Variants in KDM6B observed in about 807,000 individuals in gnomAD.
KDM6B encodes lysine-specific demethylase 6B.
In KDM6B, 22 loss-of-function variants were observed where a neutral mutation model predicts 150.4. The ratio of observed to expected loss-of-function variants is 0.15; its 90% CI spans 0.10 to 0.21. KDM6B has a LOEUF of 0.21. KDM6B is among the 10% of genes least tolerant of loss of function. The pLI, the probability that KDM6B is intolerant of heterozygous loss-of-function variation, is 1.00. For synonymous variants in KDM6B, 1,148 were observed against 921.1 expected, an observed-to-expected ratio of 1.25 and a Z score of -4.46; for missense variants, 1,984 against 2,234.3, an observed-to-expected ratio of 0.89 and a Z score of 2.26.
chr17:7,845,290 C>G (rs911164399), intron 3 of KDM6B, 24 bp from the exon 4 acceptor site: 5 of 591,348 alleles, frequency 8.5e-6, no homozygotes, highest in Non-Finnish European at 1.2e-5. Flanking sequence ...GCCAGCTCGT[C>G]TCACTCCTTT....
At position 7,843,278 on chromosome 17, in the gene KDM6B, C is replaced by T. The variant is rs1389039341; in HGVS notation, c.-268-1623C>T. Among the ~76,000 whole-genome samples, 3 of 152,150 alleles carry T rather than the reference C, an allele frequency of 2.0e-5. No individual in the cohort carries two copies. The highest frequency in any genetic ancestry group is 2.4e-5 in the African/African-American group (1 of 41,442). ...TCCTCCCCGCCCCTGCCTCGGTACTCGGGTGGGGGCAGTCACGGAGGGCCA... is the reference window on the plus strand; with the variant it reads ...TCCTCCCCGCCCCTGCCTCGGTACTTGGGTGGGGGCAGTCACGGAGGGCCA... On this transcript the variant is annotated intron_variant, in intron 2 of 23. Transcript: ENST00000448097. This position sits in a 1 kb window ranked among gnomAD's most constrained non-coding sequence, Gnocchi z 4.5.
chr17:7,854,279 G>C lies in KDM6B; in HGVS notation c.*758G>C, dbSNP rs986217270. ...CCGGGTTCTCATGGTGCTCAAACCC[G>C]CTCCCCTCCCCTACGTCCTGCACTT... On this transcript the variant is annotated 3_prime_UTR_variant, in exon 24 of 24. Coordinates refer to ENST00000448097, the MANE Select transcript of KDM6B (RefSeq NM_001348716.2). 6.6e-6 allele frequency: 1 copy of C among 152,402 alleles called. No individual in the cohort carries two copies. The highest frequency in any genetic ancestry group is 1.5e-5 in the Non-Finnish European group (1 of 68,070). 9.4% of individuals were successfully genotyped at this position (152,402 alleles called of 1,614,324 possible).
chr17:7,852,785 T>C, intron 21 of KDM6B, 149 bp downstream of exon 21: 1 of 1,314,214 alleles, frequency 7.6e-7, no homozygotes, highest in Non-Finnish European at 1.1e-6. Flanking sequence ...AACTAGGTCC[T>C]TGCTGTCATG....
intron 2 of KDM6B, among the ~76,000 whole-genome samples, chr17:7,842,962 AG>A (rs1198182166): frequency 6.6e-6 from 1 of 152,100 alleles, no homozygotes; most frequent in East Asian, 1.9e-4. Context: ...TTTAGTGTAC[AG>A]GAAGTTTTGT....
Position 7,848,563 on chromosome 17 carries a change from A to G in KDM6B, c.2275A>G (p.Thr759Ala), listed in dbSNP as rs768275143. ...VAVTTTTTTT[T>A]TTTATQEEEK... ...CGTCACCACCACCACCACCACCACC[A>G]CCACCACCACGGCCACCCAGGAAGA... Residue 759 changes from threonine to alanine, a missense_variant, in exon 12 of 24, where the codon ACC (threonine) becomes GCC (alanine). Coordinates refer to ENST00000448097, the MANE Select transcript of KDM6B (RefSeq NM_001348716.2). The G allele has an allele frequency of 6.5e-7, 1 of 1,532,634 alleles. No homozygotes were observed. The highest frequency in any genetic ancestry group is 1.6e-5 in the African/African-American group (1 of 61,384). 94.9% of individuals were successfully genotyped at this position (1,532,634 alleles called of 1,614,324 possible). A position where few individuals can be genotyped will look rare whatever the true frequency, so the allele number is the denominator to read the frequency against.
rs546664297 is a variant in KDM6B, at chr17:7,849,405, C to G, written c.3117C>G (p.Gly1039=). ...GTGAGAAGTCCCGGCCCGATCTTGG[C>G]GGGGCCTCCAAGGCCAAGCCACCCA... ...QGREKSRPDL[G]GASKAKPPTA... The change falls in exon 12 of 24, where the codon GGC becomes GGG. Residue 1039 remains glycine, a synonymous_variant. Coordinates refer to ENST00000448097, the MANE Select transcript of KDM6B (RefSeq NM_001348716.2). The G allele has an allele frequency of 1.9e-6, 3 of 1,611,210 alleles. No homozygotes were observed. Among genetic ancestry groups the G allele is most frequent in the African/African-American group, 1.3e-5 (1 of 74,858 alleles).
chr17:7,846,193 G>A lies in KDM6B; in HGVS notation c.352G>A (p.Glu118Lys), dbSNP rs2078532252. 1 of 1,614,146 alleles carries A rather than the reference G, an allele frequency of 6.2e-7. No homozygotes were observed. Among genetic ancestry groups the A allele is most frequent in the Non-Finnish European group, 8.5e-7 (1 of 1,180,018 alleles). ...TTGGGAACAGCTTGGGCAACTGTAC[G>A]AGTCAGAGCACGATAGTGAGGAGGC... The part of the protein sequence containing the change: ...GLWEQLGQLY[E>K]SEHDSEEATR... Residue 118 changes from glutamate to lysine, a missense_variant, in exon 7 of 24, where the codon GAG becomes AAG. This residue lies in a region of KDM6B where 337 missense variants were observed against 323.9 expected (regional missense o/e 1.04). Transcript: ENST00000448097.
chr17:7,848,649 C>A lies in KDM6B; in HGVS notation c.2361C>A (p.Pro787=), dbSNP rs2078620014. The change falls in exon 12 of 24, where the codon CCC becomes CCA. Residue 787 remains proline (P), a synonymous_variant. Coordinates refer to ENST00000448097, the MANE Select transcript of KDM6B (RefSeq NM_001348716.2). ...PPPPLAKFPP[P]SQPQPPPPPP... is the part of the protein sequence containing the mutation. ...CGCCTCTAGCCAAGTTCCCTCCACC[C>A]TCTCAGCCACAGCCACCACCACCCC... 1 of 1,602,932 alleles carries A rather than the reference C, an allele frequency of 6.2e-7. No individual in the cohort carries two copies.
chr17:7,836,970 C>G (rs1321273862), intron 1 of KDM6B, among the ~76,000 whole-genome samples: 2 of 152,188 alleles, frequency 1.3e-5, no homozygotes, highest in African/African-American at 2.4e-5. Flanking sequence ...CCCGTGCCAT[C>G]TCTTTCCCCT....
Position 7,849,749 on chromosome 17 carries a change from C to T in KDM6B, c.3440+21C>T, listed in dbSNP as rs752904180. On this transcript the variant is annotated intron_variant, in intron 12 of 23. Coordinates refer to ENST00000448097, the MANE Select transcript of KDM6B (RefSeq NM_001348716.2). Reference sequence around the variant, plus strand: ...AGCAGGTGAGTCGGCTGCCTGCTTGCTTGTCCCGGAGACAGGCTCCCTTCC... The same window carrying T: ...AGCAGGTGAGTCGGCTGCCTGCTTGTTTGTCCCGGAGACAGGCTCCCTTCC... 1.9e-6 allele frequency: 3 copies of T among 1,612,676 alleles called. No individual in the cohort carries two copies. In the South Asian group the frequency reaches 3.3e-5, roughly 18 times the overall value.
At chr17:7,852,369 G>A in intron 20 of KDM6B, 33 bp downstream of exon 20, 1 of 1,612,172 alleles carries the variant, frequency 6.2e-7, no homozygotes, top group East Asian at 2.2e-5. Context: ...GGCGTGGTGT[G>A]GCGCCTCAGC....
rs777611467 is a variant in KDM6B, at chr17:7,850,130, G to A, written c.3626G>A (p.Arg1209Gln). ...PVLLQFCTDPRNPITVIRGLA... is the reference protein window; with the variant it reads ...PVLLQFCTDPQNPITVIRGLA... ...CTGCTGCAGTTCTGTACAGACCCTC[G>A]AAATCCCATCACAGTGATCCGGGGC... Residue 1209 changes from arginine to glutamine, a missense_variant, in exon 14 of 24, where the codon CGA becomes CAA. This residue lies in a region of KDM6B where 15 missense variants were observed against 48.7 expected (regional missense o/e 0.31). Coordinates refer to ENST00000448097, the MANE Select transcript of KDM6B (RefSeq NM_001348716.2). The A allele has an allele frequency of 9.2e-5, 148 of 1,613,718 alleles. No homozygotes were observed. Among genetic ancestry groups the A allele is most frequent in the Non-Finnish European group, 1.1e-4 (132 of 1,180,024 alleles).
rs898090763 is a variant in KDM6B, at chr17:7,846,604, G to A, written c.575G>A (p.Arg192Gln). 41 of 1,613,978 alleles carry A rather than the reference G, an allele frequency of 2.5e-5. No homozygotes were observed. The highest frequency in any genetic ancestry group is 3.3e-5 in the South Asian group (3 of 91,096). ...LEHKRNYGAK[R>Q]GGPPVKRAAE... is the part of the protein sequence containing the mutation. ...CACAAACGGAACTATGGAGCCAAGC[G>A]GGGAGGTCCCCCGGTGAAGCGAGCT... Residue 192 changes from arginine (R) to glutamine (Q), a missense_variant, in exon 9 of 24, where the codon CGG becomes CAG. Transcript: ENST00000448097.
chr17:7,837,174 C>T (rs2078345263), intron 1 of KDM6B, among the ~76,000 whole-genome samples: 1 of 152,200 alleles, frequency 6.6e-6, no homozygotes, highest in Admixed American at 6.5e-5. Context: ...GAAAAAGCTA[C>T]CTAGCCGTCA....
At position 7,852,514 on chromosome 17, in the gene KDM6B, C is replaced by T. The variant is rs1301300112; in HGVS notation, c.4488C>T (p.Ala1496=). ...GPLTAYQYQL[A]LERYEWNEVK... ...CCGCAGCCTATCAGTACCAGCTGGC[C>T]CTGGAACGATACGAGTGGAATGAGG... The change falls in exon 21 of 24, where the codon GCC becomes GCT. Residue 1496 remains alanine (A), a synonymous_variant. Coordinates refer to ENST00000448097, the MANE Select transcript of KDM6B (RefSeq NM_001348716.2). The T allele has an allele frequency of 1.2e-6, 2 of 1,613,720 alleles. No individual in the cohort carries two copies. The highest frequency in any genetic ancestry group is 2.2e-5 in the East Asian group (1 of 44,868).
Position 7,843,521 on chromosome 17 carries a change from A to T in KDM6B, c.-268-1380A>T, listed in dbSNP as rs981621979. Reference sequence around the variant, plus strand: ...AACGACCTTGCCCCTTCGGGAAGGAAGGCTCTTTTCACCAGAAACCCGTCT... The same window carrying T: ...AACGACCTTGCCCCTTCGGGAAGGATGGCTCTTTTCACCAGAAACCCGTCT... On this transcript the variant is annotated intron_variant, in intron 2 of 23. Coordinates refer to ENST00000448097, the MANE Select transcript of KDM6B (RefSeq NM_001348716.2). The surrounding 1 kb of genome is among the most constrained non-coding windows in gnomAD (Gnocchi z 4.5). Among the ~76,000 whole-genome samples, 6 of 152,164 alleles carry T rather than the reference A, an allele frequency of 3.9e-5. No homozygotes were observed. Among genetic ancestry groups the T allele is most frequent in the Non-Finnish European group, 7.4e-5 (5 of 68,022 alleles).
Position 7,849,441 on chromosome 17 carries a change from C to T in KDM6B, c.3153C>T (p.Ala1051=), listed in dbSNP as rs566357407. The T allele has an allele frequency of 2.5e-6, 4 of 1,612,554 alleles. No individual in the cohort carries two copies. The highest frequency in any genetic ancestry group is 2.7e-5 in the African/African-American group (2 of 75,056). Residue 1051 remains alanine, a synonymous_variant, in exon 12 of 24, where the codon GCC becomes GCT. Transcript: ENST00000448097. ...AGGCCAAGCCACCCACAGCTCCAGC[C>T]CCTCCATCAGCTCCTGCACCTTCTG... ...ASKAKPPTAP[A]PPSAPAPSAQ... is the part of the protein sequence containing the mutation.
intron 3 of KDM6B, 113 bp from the exon 4 acceptor site, chr17:7,845,201 C>T (rs1286440458): frequency 7.1e-6 from 3 of 421,028 alleles, no homozygotes; most frequent in South Asian, 4.3e-5. Context: ...AAAGCTAAGG[C>T]CGGGCCCTTT....
chr17:7,848,687 C>A lies in KDM6B; in HGVS notation c.2399C>A (p.Pro800Gln). 6.2e-7 allele frequency: 1 copy of A among 1,612,072 alleles called. No individual in the cohort carries two copies. Among genetic ancestry groups the A allele is most frequent in the East Asian group, 2.2e-5 (1 of 44,834 alleles). ...CCACCACCACCCCCACCCCCCAGCC[C>A]GGCCAGCCTGCTCAAATCCTTGGCC... ...PQPPPPPPPS[P>Q]ASLLKSLASV... The change falls in exon 12 of 24, where the codon CCG becomes CAG. Residue 800 changes from proline to glutamine, a missense_variant. Pro to Gln is a moderately conservative substitution (Grantham distance 76). Coordinates refer to ENST00000448097, the MANE Select transcript of KDM6B (RefSeq NM_001348716.2).
Sources: allele counts gnomAD v4.1 joint callset (sites outside exome capture counted in the v4.1 genomes callset), GRCh38; gene constraint gnomAD v4.1.1; regional missense constraint gnomAD v4.1.1; non-coding constraint Gnocchi (gnomAD v3.1); transcripts MANE v1.5; gene names NCBI Gene and HGNC (gene_info 2026-07-23, HGNC 2026-07-21).